Variants in FSTL4 observed in about 807,000 individuals in gnomAD.
FSTL4 encodes follistatin like 4, also known as follistatin-related protein 4.
Under a neutral mutation model 78.2 loss-of-function variants are expected in FSTL4, and 28 were observed. The ratio of observed to expected loss-of-function variants is 0.36; its 90% CI spans 0.27 to 0.49. The LOEUF is 0.49. FSTL4 is among the 20% of genes least tolerant of loss of function. FSTL4 has a pLI of 0.98. For missense variants in FSTL4, 922 were observed against 1,084.9 expected, an observed-to-expected ratio of 0.85 and a Z score of 2.11; for synonymous variants, 422 against 440.5, an observed-to-expected ratio of 0.96 and a Z score of 0.53.
At chr5:133,824,371 T>C in the FSTL4 span, among the ~76,000 whole-genome samples, 3 of 152,338 alleles carry the variant, frequency 2.0e-5, no homozygotes, top group Admixed American at 6.5e-5. Flanking sequence ...TTTACCAGTT[T>C]AATCCAGGTG....
At chr5:133,772,193 A>C in the FSTL4 span, among the ~76,000 whole-genome samples, 11,319 of 152,270 alleles carry the variant, frequency 0.074, 578 homozygotes, top group African/African-American at 0.14. Flanking sequence ...AAATATAGTG[A>C]CAATTATATC....
intron 4 of FSTL4, among the ~76,000 whole-genome samples, chr5:133,393,804 G>C (rs190992573): frequency 6.6e-6 from 1 of 152,372 alleles, no homozygotes; most frequent in African/African-American, 2.4e-5. Flanking sequence ...GAAGCTCTGT[G>C]AGTTTGGGAT....
At chr5:133,302,520 G>A (rs1753566991) in intron 6 of FSTL4, among the ~76,000 whole-genome samples, 1 of 152,164 alleles carries the variant, frequency 6.6e-6, no homozygotes, top group Admixed American at 6.5e-5. Context: ...GGAGCCTCTG[G>A]GAGGCATTTG....
chr5:133,243,376 T>G (rs2126815256), intron 7 of FSTL4, among the ~76,000 whole-genome samples: 1 of 152,382 alleles, frequency 6.6e-6, no homozygotes, highest in Non-Finnish European at 1.5e-5. Context: ...GAGAATATCC[T>G]GGCTAAACAA....
chr5:133,224,940 T>A (rs1751277683), intron 10 of FSTL4, among the ~76,000 whole-genome samples: 1 of 152,206 alleles, frequency 6.6e-6, no homozygotes, highest in Non-Finnish European at 1.5e-5. Context: ...TCTCCCTGTC[T>A]GTTTCCAGAG....
At chr5:133,450,021 T>C (rs1477801172) in intron 3 of FSTL4, among the ~76,000 whole-genome samples, 3 of 152,182 alleles carry the variant, frequency 2.0e-5, no homozygotes, top group Non-Finnish European at 2.9e-5. Flanking sequence ...TTCAGAAATG[T>C]GAAAGGGCTT....
At chr5:133,437,485 G>GTTTTTTT (rs11401684) in intron 3 of FSTL4, among the ~76,000 whole-genome samples, 8 of 95,372 alleles carry the variant, frequency 8.4e-5, no homozygotes, top group East Asian at 3.1e-4. Flanking sequence ...GTAAATAGGT[G>GTTTTTTT]TTTTTTTTTT....
intron 2 of FSTL4, among the ~76,000 whole-genome samples, chr5:133,601,123 G>A (rs256250): frequency 0.45 from 68,553 of 152,076 alleles, 15,738 homozygotes; most frequent in East Asian, 0.61. Context: ...AACCATCCAC[G>A]TCCCCACTGG....
the FSTL4 span, among the ~76,000 whole-genome samples, chr5:133,684,323 G>C: frequency 6.6e-6 from 1 of 152,208 alleles, no homozygotes; most frequent in Non-Finnish European, 1.5e-5. Flanking sequence ...GCTGGGGAGG[G>C]AGGGTGCAGA....
chr5:133,400,106 C>T (rs1488416328), intron 4 of FSTL4, among the ~76,000 whole-genome samples: 1 of 152,206 alleles, frequency 6.6e-6, no homozygotes, highest in Non-Finnish European at 1.5e-5. Flanking sequence ...ATGGTTCTTA[C>T]CGTCTAGTGG....
At chr5:133,311,553 C>T (rs958963453) in intron 6 of FSTL4, among the ~76,000 whole-genome samples, 8 of 152,172 alleles carry the variant, frequency 5.3e-5, no homozygotes, top group African/African-American at 1.9e-4. Context: ...GCCCTTCTTG[C>T]CAACAAATCA....
chr5:133,791,976 A>G, the FSTL4 span, among the ~76,000 whole-genome samples: 7 of 152,372 alleles, frequency 4.6e-5, no homozygotes, highest in African/African-American at 1.7e-4. Flanking sequence ...TTTAGGAGTG[A>G]GTTGGCATGC....
intron 7 of FSTL4, among the ~76,000 whole-genome samples, chr5:133,234,151 G>C (rs1751588665): frequency 1.3e-5 from 2 of 152,156 alleles, no homozygotes; most frequent in African/African-American, 4.8e-5. Flanking sequence ...GCCTGCCTAT[G>C]GTTTAGATCC....
chr5:133,217,148 GAGT>G, intron 13 of FSTL4, 78 bp downstream of exon 13: 1 of 1,142,628 alleles, frequency 8.8e-7, no homozygotes, highest in Non-Finnish European at 1.3e-6. Context: ...AGGAGCTGGG[GAGT>G]ATGCAGAAAG....
the FSTL4 span, among the ~76,000 whole-genome samples, chr5:133,776,148 C>A: frequency 5.3e-5 from 8 of 152,064 alleles, no homozygotes; most frequent in Non-Finnish European, 8.8e-5. Context: ...CCATCTCTAC[C>A]CTGCTCTGTG....
At chr5:133,664,193 C>T in the FSTL4 span, among the ~76,000 whole-genome samples, 1 of 152,006 alleles carries the variant, frequency 6.6e-6, no homozygotes. Context: ...GTCAAGGAGG[C>T]AATCAGGGGA....
Position 133,273,892 on chromosome 5 carries a change from G to A in FSTL4, c.728-24316C>T, listed in dbSNP as rs191628265. 1.2e-3 allele frequency among the ~76,000 whole-genome samples: 176 copies of A among 152,234 alleles called. 2 individuals carry two copies. The highest frequency in any genetic ancestry group is 4.1e-3 in the African/African-American group (169 of 41,532). ...CATGCAGGAGGTGCTGACACACAGC[G>A]GAGTTCCCTTCTGTGCCTCCAGCAG... On this transcript the variant is annotated intron_variant, in intron 6 of 15. Transcript: ENST00000265342.
intron 6 of FSTL4, among the ~76,000 whole-genome samples, chr5:133,254,375 G>A (rs1467557936): frequency 1.3e-5 from 2 of 152,256 alleles, no homozygotes; most frequent in Non-Finnish European, 2.9e-5. Context: ...CAGCTCCTGT[G>A]TTCTTCCCTG....
At chr5:133,385,626 T>C (rs980551095) in intron 4 of FSTL4, among the ~76,000 whole-genome samples, 27 of 152,188 alleles carry the variant, frequency 1.8e-4, no homozygotes, top group African/African-American at 6.3e-4. Context: ...AGGTGAGCCA[T>C]ACATAGTCCC....
Sources: gnomAD v4.1 joint callset for allele counts (sites outside exome capture counted in the v4.1 genomes callset) on GRCh38, gnomAD v4.1.1 for gene constraint, MANE v1.5 for transcripts, NCBI Gene and HGNC (gene_info 2026-07-23, HGNC 2026-07-21) for gene names.